Variants in SHOC2 observed in about 807,000 individuals in gnomAD.
SHOC2 encodes leucine-rich repeat protein SHOC-2.
Under a neutral mutation model 50.2 loss-of-function variants are expected in SHOC2, and 4 were observed. The ratio of observed to expected loss-of-function variants is 0.08; its 90% CI spans 0.04 to 0.18. The LOEUF (loss-of-function observed/expected upper bound fraction) is 0.18. Ranked by LOEUF, SHOC2 falls within the 10% of genes least tolerant of loss-of-function variation. The pLI is 1.00. For synonymous variants in SHOC2, 218 were observed against 244.5 expected (o/e 0.89, Z 1.01); for missense variants, 388 against 669.6 (o/e 0.58, Z 4.64).
intron 2 of SHOC2, among the ~76,000 whole-genome samples, chr10:110,971,519 G>A (rs933770466): frequency 1.3e-5 from 2 of 151,906 alleles, no homozygotes; most frequent in African/African-American, 4.8e-5. Flanking sequence ...GCCCAGTATT[G>A]CTTTGGCTAT....
At chr10:110,947,585 G>T (rs1847270293) in intron 1 of SHOC2, among the ~76,000 whole-genome samples, 1 of 152,178 alleles carries the variant, frequency 6.6e-6, no homozygotes, top group Non-Finnish European at 1.5e-5. Flanking sequence ...GATATAAGTT[G>T]TGTCCTCAAT....
intron 3 of SHOC2, among the ~76,000 whole-genome samples, chr10:110,990,108 G>A (rs1043877850): frequency 1.3e-5 from 2 of 152,250 alleles, no homozygotes; most frequent in Admixed American, 1.3e-4. Flanking sequence ...CAAATTCTTA[G>A]TCTTAGAAAA....
intron 2 of SHOC2, among the ~76,000 whole-genome samples, chr10:110,979,511 G>A (rs899558029): frequency 1.3e-5 from 2 of 152,184 alleles, no homozygotes; most frequent in African/African-American, 4.8e-5. Context: ...GCCTATTACA[G>A]TTCTCTTCTT....
chr10:110,962,149 T>C (rs1847584202), intron 1 of SHOC2, among the ~76,000 whole-genome samples: 1 of 152,154 alleles, frequency 6.6e-6, no homozygotes, highest in Admixed American at 6.5e-5. Flanking sequence ...AATCTTGTTC[T>C]ATCCTCTGTA....
At chr10:110,968,827 A>G (rs1196807619) in intron 2 of SHOC2, among the ~76,000 whole-genome samples, 2 of 152,122 alleles carry the variant, frequency 1.3e-5, no homozygotes, top group Non-Finnish European at 2.9e-5. Flanking sequence ...TTTTTTTAAA[A>G]TTAGGAGTTT....
At chr10:110,970,706 T>C (rs142609050) in intron 2 of SHOC2, among the ~76,000 whole-genome samples, 296 of 146,140 alleles carry the variant, frequency 2.0e-3, no homozygotes, top group African/African-American at 7.0e-3. Flanking sequence ...TCTATCTGTT[T>C]TTGTTGTTGT....
chr10:110,942,483 G>T (rs930743382), intron 1 of SHOC2, among the ~76,000 whole-genome samples: 15 of 152,118 alleles, frequency 9.9e-5, no homozygotes, highest in Non-Finnish European at 1.9e-4. Flanking sequence ...AAGGTGCTAG[G>T]ATTATAGGCA....
At chr10:110,922,141 C>T (rs1221809933) in intron 1 of SHOC2, among the ~76,000 whole-genome samples, 2 of 152,088 alleles carry the variant, frequency 1.3e-5, no homozygotes, top group Non-Finnish European at 2.9e-5. Context: ...CTTTGTCACA[C>T]TTGCTGGAAT....
At chr10:110,932,167 C>T (rs907031341) in intron 1 of SHOC2, among the ~76,000 whole-genome samples, 7 of 152,160 alleles carry the variant, frequency 4.6e-5, no homozygotes, top group Admixed American at 3.3e-4. Context: ...AGATAGAAGA[C>T]GCTGCCATGG....
At chr10:110,982,899 A>G (rs901984373) in intron 2 of SHOC2, among the ~76,000 whole-genome samples, 12 of 152,250 alleles carry the variant, frequency 7.9e-5, no homozygotes, top group African/African-American at 2.6e-4. Flanking sequence ...ATTGCATAAA[A>G]TCGGTGTTAA....
chr10:110,997,275 G>A (rs1007172449), intron 3 of SHOC2, among the ~76,000 whole-genome samples: 3 of 152,186 alleles, frequency 2.0e-5, no homozygotes, highest in African/African-American at 7.2e-5. Flanking sequence ...AAAGGATAGT[G>A]GAAGGATGTC....
chr10:111,012,318 G>C lies in SHOC2; in HGVS notation c.*500G>C, dbSNP rs887931765. On this transcript the variant is annotated 3_prime_UTR_variant, in exon 9 of 9. Coordinates refer to ENST00000369452, the MANE Select transcript of SHOC2 (RefSeq NM_007373.4). ...TGTTTACAGTCAGAGTAAATCACTG[G>C]ATTTCTTTTGTTTGTTTTGATTTGC... is the stretch of plus-strand genomic sequence containing the variant. 1 of 160,000 alleles carries C rather than the reference G, an allele frequency of 6.3e-6. No individual in the cohort carries two copies. The highest frequency in any genetic ancestry group is 1.4e-5 in the Non-Finnish European group (1 of 72,904). The allele number at this position is 160,000 out of a possible 1,614,324, so 9.9% of individuals were successfully genotyped here. A position where few individuals can be genotyped will look rare whatever the true frequency, so the allele number is the denominator to read the frequency against.
chr10:110,973,579 C>CT (rs1426556575), intron 2 of SHOC2, among the ~76,000 whole-genome samples: 1 of 151,872 alleles, frequency 6.6e-6, no homozygotes, highest in African/African-American at 2.4e-5. Context: ...ATGTTTCTTC[C>CT]TCTTTTATAT....
chr10:110,983,083 T>C (rs988593023), intron 2 of SHOC2, among the ~76,000 whole-genome samples: 16 of 152,194 alleles, frequency 1.1e-4, no homozygotes, highest in African/African-American at 3.9e-4. Context: ...AATTAGGTTA[T>C]ATCTTATAAG....
At position 110,964,366 on chromosome 10, in the gene SHOC2, G is replaced by A; in HGVS notation, c.8G>A (p.Ser3Asn). The change falls in exon 2 of 9, where the codon AGT becomes AAT. Residue 3 changes from serine (S) to asparagine (N), a missense_variant. This residue lies in a region of SHOC2 where 121 missense variants were observed against 145.5 expected (regional missense o/e 0.83). Transcript: ENST00000369452. The surrounding 1 kb of genome is among the most constrained non-coding windows in gnomAD (Gnocchi z 4.9). ...GTCCAGGCTTGAGTCACCATGAGTA[G>A]TAGTTTAGGAAAAGAAAAAGACTCT... MS[S>N]SLGKEKDSKE... 1 of 1,613,136 alleles carries A rather than the reference G, an allele frequency of 6.2e-7. No homozygotes were observed. Among genetic ancestry groups the A allele is most frequent in the Non-Finnish European group, 8.5e-7 (1 of 1,179,586 alleles).
At chr10:110,936,111 T>A (rs1444285797) in intron 1 of SHOC2, among the ~76,000 whole-genome samples, 1 of 151,210 alleles carries the variant, frequency 6.6e-6, no homozygotes, top group Non-Finnish European at 1.5e-5. Context: ...TTTTTTTTTT[T>A]TTGAGTCGGA....
At chr10:110,977,782 T>A (rs946190505) in intron 2 of SHOC2, among the ~76,000 whole-genome samples, 4 of 152,216 alleles carry the variant, frequency 2.6e-5, no homozygotes, top group Non-Finnish European at 4.4e-5. Context: ...TTTTGATGAC[T>A]CCCTGATAAA....
intron 1 of SHOC2, among the ~76,000 whole-genome samples, chr10:110,941,248 T>TA (rs1353278405): frequency 1.3e-5 from 2 of 152,236 alleles, no homozygotes; most frequent in East Asian, 3.9e-4. Flanking sequence ...TATTTGAACA[T>TA]ACTTGTTTTC....
At chr10:110,949,512 A>G (rs1348446767) in intron 1 of SHOC2, among the ~76,000 whole-genome samples, 1 of 152,194 alleles carries the variant, frequency 6.6e-6, no homozygotes, top group Non-Finnish European at 1.5e-5. Flanking sequence ...AAACCTTTAA[A>G]GAAGACATAG....
Sources: allele counts gnomAD v4.1 joint callset (sites outside exome capture counted in the v4.1 genomes callset), GRCh38; gene constraint gnomAD v4.1.1; regional missense constraint gnomAD v4.1.1; non-coding constraint Gnocchi (gnomAD v3.1); transcripts MANE v1.5; gene names NCBI Gene and HGNC (gene_info 2026-07-23, HGNC 2026-07-21).